SNX24: variants seen among roughly 807,000 people sequenced by gnomAD.
SNX24 encodes the protein sorting nexin 24, also known as sorting nexin-24.
SNX24 carries 22 observed loss-of-function variants against 28.7 expected under a neutral mutation model. The ratio of observed to expected loss-of-function variants is 0.77; its 90% CI spans 0.55 to 1.10. The LOEUF (loss-of-function observed/expected upper bound fraction) is 1.10. SNX24 is among the 50% of genes least tolerant of loss of function. SNX24 has a pLI of 0.00. For synonymous variants in SNX24, 69 were observed against 71.5 expected (o/e 0.96, Z 0.18); for missense variants, 221 against 201.1 (o/e 1.10, Z -0.60).
At chr5:122,899,611 G>A (rs1757343385) in intron 1 of SNX24, among the ~76,000 whole-genome samples, 1 of 152,128 alleles carries the variant, frequency 6.6e-6, no homozygotes, top group Admixed American at 6.5e-5. Flanking sequence ...GTTTTGCCAT[G>A]TTGCCCAGGC....
intron 1 of SNX24, among the ~76,000 whole-genome samples, chr5:122,900,400 G>T (rs1757384935): frequency 6.6e-6 from 1 of 152,266 alleles, no homozygotes; most frequent in South Asian, 2.1e-4. Flanking sequence ...CAGAGAACAT[G>T]CAGGTCTGTG....
intron 1 of SNX24, among the ~76,000 whole-genome samples, chr5:122,866,977 G>C (rs900970827): frequency 1.3e-5 from 2 of 152,256 alleles, no homozygotes; most frequent in East Asian, 3.9e-4. Context: ...TGGGTCACTG[G>C]GGGTAATGGT....
At chr5:122,884,477 C>T (rs541625585) in intron 1 of SNX24, among the ~76,000 whole-genome samples, 1 of 152,002 alleles carries the variant, frequency 6.6e-6, no homozygotes, top group South Asian at 2.1e-4. Flanking sequence ...TCTTGAACTC[C>T]TGGTCTCAAG....
At chr5:122,870,775 A>C (rs551817198) in intron 1 of SNX24, among the ~76,000 whole-genome samples, 11 of 152,174 alleles carry the variant, frequency 7.2e-5, no homozygotes, top group Non-Finnish European at 1.6e-4. Flanking sequence ...AGGTGTTAGC[A>C]CCACTTCAGG....
chr5:123,028,707 G>A, intron 5 of SNX24: 1 of 1,272,874 alleles, frequency 7.9e-7, no homozygotes, highest in East Asian at 2.4e-5. Context: ...AACAGACTGG[G>A]TTCATATACT....
At chr5:122,926,943 G>A (rs1758724757) in intron 1 of SNX24, among the ~76,000 whole-genome samples, 1 of 152,154 alleles carries the variant, frequency 6.6e-6, no homozygotes, top group Non-Finnish European at 1.5e-5. Context: ...ATGTATGAAT[G>A]TGGTCATTGT....
At chr5:122,852,311 G>T (rs1754960249) in intron 1 of SNX24, among the ~76,000 whole-genome samples, 1 of 151,720 alleles carries the variant, frequency 6.6e-6, no homozygotes, top group African/African-American at 2.4e-5. Flanking sequence ...AGGGAGCCTG[G>T]CTACCTGAGA....
intron 5 of SNX24, chr5:123,023,378 AAG>A (rs1236582437): frequency 2.6e-5 from 4 of 152,228 alleles, no homozygotes; most frequent in Non-Finnish European, 5.9e-5. Context: ...GTCTTGCAAA[AAG>A]AGTTGATCTA....
intron 1 of SNX24, among the ~76,000 whole-genome samples, chr5:122,886,091 G>A (rs545020847): frequency 5.5e-4 from 84 of 152,308 alleles, no homozygotes; most frequent in Admixed American, 1.8e-3. Context: ...GCAAGTGGTT[G>A]TACTCCAAAG....
chr5:123,028,337 C>T lies in SNX24; in HGVS notation n.384-901C>T, dbSNP rs187644543. On this transcript the variant is annotated intron_variant and non_coding_transcript_variant, in intron 5 of 5. Transcript: ENST00000502387. ...ATTTTGAAAGAAGGAGGAAAGTGCG[C>T]TGTGACCCTGCTGCTAACTCTAGTC... is the stretch of plus-strand genomic sequence containing the variant. 2.3e-3 allele frequency among the ~76,000 whole-genome samples: 346 copies of T among 152,306 alleles called. 1 individual carries two copies. Among genetic ancestry groups the T allele is most frequent in the Non-Finnish European group, 3.6e-3 (245 of 68,032 alleles).
At chr5:122,998,515 T>G (rs1419447023) in intron 3 of SNX24, among the ~76,000 whole-genome samples, 1 of 152,222 alleles carries the variant, frequency 6.6e-6, no homozygotes, top group Non-Finnish European at 1.5e-5. Flanking sequence ...TCTTCTATCT[T>G]TTATTCCTTA....
intron 3 of SNX24, among the ~76,000 whole-genome samples, chr5:122,950,410 C>A (rs1464630499): frequency 6.6e-6 from 1 of 151,796 alleles, no homozygotes; most frequent in Non-Finnish European, 1.5e-5. Flanking sequence ...TTCAGAGATA[C>A]CTTGAACCAT....
intron 3 of SNX24, among the ~76,000 whole-genome samples, chr5:122,976,480 A>G (rs1761169671): frequency 6.6e-6 from 1 of 152,196 alleles, no homozygotes; most frequent in African/African-American, 2.4e-5. Context: ...CTAGCCAAAT[A>G]AGAGAATTTG....
rs150953165 is a variant in SNX24, at chr5:122,934,616, G to T, written c.61-2118G>T. 8.3e-3 allele frequency among the ~76,000 whole-genome samples: 1,263 copies of T among 152,164 alleles called. 18 individuals carry two copies. The highest frequency in any genetic ancestry group is 0.029 in the African/African-American group (1,197 of 41,496). Reference sequence around the variant, plus strand: ...CTCATGATCCACCTGCCTCGGCCTCGCAAAGTGCTGGGATTACAGGCGTGA... The same window carrying T: ...CTCATGATCCACCTGCCTCGGCCTCTCAAAGTGCTGGGATTACAGGCGTGA... On this transcript the variant is annotated intron_variant, in intron 1 of 6. Coordinates refer to ENST00000261369, the MANE Select transcript of SNX24 (RefSeq NM_014035.4).
At chr5:123,019,636 G>A (rs1762734815) in intron 5 of SNX24, among the ~76,000 whole-genome samples, 2 of 152,166 alleles carry the variant, frequency 1.3e-5, no homozygotes, top group African/African-American at 4.8e-5. Context: ...TTATGGCTAA[G>A]AATACCAAAA....
chr5:122,885,718 A>G (rs1405057041), intron 1 of SNX24, among the ~76,000 whole-genome samples: 1 of 152,140 alleles, frequency 6.6e-6, no homozygotes, highest in East Asian at 1.9e-4. Flanking sequence ...TGGATTTGGA[A>G]TAAGGATGGA....
intron 5 of SNX24, among the ~76,000 whole-genome samples, chr5:123,025,000 T>G (rs960537279): frequency 6.6e-6 from 1 of 152,236 alleles, no homozygotes; most frequent in Non-Finnish European, 1.5e-5. Context: ...GCTTTGACAT[T>G]CTTTGAGACC....
chr5:122,971,898 G>A (rs1453754405), intron 3 of SNX24, among the ~76,000 whole-genome samples: 3 of 151,902 alleles, frequency 2.0e-5, no homozygotes, highest in Non-Finnish European at 4.4e-5. Flanking sequence ...CTGGTGGAGT[G>A]ATCCAAACCT....
chr5:123,007,648 C>CTTTTTTTTTTTT, intron 6 of SNX24, 34 bp from the exon 7 acceptor site: 2 of 1,389,028 alleles, frequency 1.4e-6, no homozygotes, highest in Non-Finnish European at 2.0e-6. Flanking sequence ...AGCAGTTTTT[C>CTTTTTTTTTTTT]TTTTTTTTTT....
Sources: allele counts gnomAD v4.1 joint callset (sites outside exome capture counted in the v4.1 genomes callset), GRCh38; gene constraint gnomAD v4.1.1; transcripts MANE v1.5; gene names NCBI Gene and HGNC (gene_info 2026-07-23, HGNC 2026-07-21).